Variants in LRRC71 observed in about 807,000 individuals in gnomAD.
LRRC71 encodes the protein leucine rich repeat containing 71.
Under a neutral mutation model 66.6 loss-of-function variants are expected in LRRC71, and 54 were observed. The observed-to-expected ratio is 0.81, with a 90% CI of 0.65 to 1.02. The LOEUF is 1.02. Ranked by LOEUF, LRRC71 falls within the 50% of genes least tolerant of loss-of-function variation. The pLI is 0.00. For missense variants in LRRC71, 724 were observed against 718.0 expected, an observed-to-expected ratio of 1.01 and a Z score of -0.10; for synonymous variants, 323 against 303.9, an observed-to-expected ratio of 1.06 and a Z score of -0.65.
At chr1:156,929,515 G>T in intron 10 of LRRC71, 86 bp downstream of exon 10, 1 of 1,577,978 alleles carries the variant, frequency 6.3e-7, no homozygotes, top group Non-Finnish European at 8.6e-7. Context: ...GAGGGAAGAA[G>T]GCCACATGGG....
At chr1:156,937,627 C>G, downstream of LRRC71, 1 of 980,426 alleles carries the variant, frequency 1.0e-6, no homozygotes, top group Non-Finnish European at 1.5e-6. Flanking sequence ...ACTCAGAGAA[C>G]GTGGGCCTTG....
intron 11 of LRRC71, among the ~76,000 whole-genome samples, chr1:156,930,046 C>T (rs201033238): frequency 5.0e-4 from 63 of 125,262 alleles, no homozygotes; most frequent in East Asian, 1.9e-3. Flanking sequence ...CTTTCTTTCT[C>T]TTTCTTTCTT....
intron 13 of LRRC71, 167 bp from the exon 14 acceptor site, chr1:156,932,257 G>A: frequency 3.0e-6 from 2 of 671,196 alleles, no homozygotes; most frequent in South Asian, 1.8e-5. Context: ...GAGATGGGGA[G>A]TGTGTGAGTA....
chr1:156,937,259 T>C, downstream of LRRC71: 1 of 1,613,898 alleles, frequency 6.2e-7, no homozygotes, highest in Non-Finnish European at 8.5e-7. Flanking sequence ...CTTGAGCCTG[T>C]TGAGCTTGAG....
the LRRC71 span, chr1:156,939,194 T>C: frequency 0.21 from 61,787 of 294,744 alleles, 8,100 homozygotes; most frequent in African/African-American, 0.42. Flanking sequence ...GAGTGGCTCT[T>C]TTCCCTGGGA....
chr1:156,932,104 A>C, intron 13 of LRRC71, 77 bp downstream of exon 13: 1 of 1,163,126 alleles, frequency 8.6e-7, no homozygotes, highest in Non-Finnish European at 1.3e-6. Flanking sequence ...GTTTACCCCG[A>C]CTCTATGGAG....
chr1:156,924,465 G>C lies in LRRC71; in HGVS notation c.352G>C (p.Glu118Gln). ...GGGGTCCTGCAGCCTCAATAGCCTG[G>C]AGAGCAAATACGTGTTCTTCCGGCC... ...LSGSCSLNSL[E>Q]SKYVFFRPTI... The change falls in exon 3 of 15, where the codon GAG becomes CAG. Residue 118 changes from glutamate (E) to glutamine (Q), a missense_variant. Coordinates refer to ENST00000337428, the MANE Select transcript of LRRC71 (RefSeq NM_144702.3). 6.4e-7 allele frequency: 1 copy of C among 1,551,332 alleles called. No individual in the cohort carries two copies. Among genetic ancestry groups the C allele is most frequent in the Non-Finnish European group, 8.7e-7 (1 of 1,147,006 alleles).
At position 156,933,027 on chromosome 1, in the gene LRRC71, G is replaced by GTGT. The variant is rs1654631247; in HGVS notation, c.*59_*61dup. 1 of 1,315,638 alleles carries GTGT rather than the reference G, an allele frequency of 7.6e-7. No homozygotes were observed. The highest frequency in any genetic ancestry group is 2.1e-5 in the Admixed American group (1 of 47,116). The allele number at this position is 1,315,638 out of a possible 1,614,324, so 81.5% of individuals were successfully genotyped here. A position where few individuals can be genotyped will look rare whatever the true frequency, so the allele number is the denominator to read the frequency against. On this transcript the variant is annotated 3_prime_UTR_variant, in exon 15 of 15. Coordinates refer to ENST00000337428, the MANE Select transcript of LRRC71 (RefSeq NM_144702.3). The stretch of plus-strand genomic sequence containing the variant: ...GGCTACAGAAGCACCTCCTGTCCCT[G>GTGT]TGTGGGGTGACCTCCCTGGGGGAGA...
intron 11 of LRRC71, among the ~76,000 whole-genome samples, chr1:156,930,060 T>TTTTCTTTTTCTTTCTTTCTTTTTCTTTC (rs1654091015): frequency 4.0e-5 from 5 of 126,182 alleles, no homozygotes; most frequent in Non-Finnish European, 7.9e-5. Context: ...CTTTCTTTCT[T>TTTTCTTTTTCTTTCTTTCTTTTTCTTTC]TTTCTTTCTT....
At chr1:156,937,883 T>A (rs984836648), downstream of LRRC71, among the ~76,000 whole-genome samples, 11 of 152,166 alleles carry the variant, frequency 7.2e-5, no homozygotes, top group African/African-American at 2.7e-4. Flanking sequence ...ACTCCAGCTC[T>A]GGATGAACTA....
rs535309195 is a variant in LRRC71 at position 156,933,071 on chromosome 1, G to A, written c.*102G>A. 1,058 of 770,210 alleles carry A rather than the reference G, an allele frequency of 1.4e-3. 5 individuals are homozygous for A. The highest frequency in any genetic ancestry group is 3.5e-3 in the South Asian group (194 of 55,894). 47.7% of individuals were successfully genotyped at this position (770,210 alleles called of 1,614,324 possible). A position where few individuals can be genotyped will look rare whatever the true frequency, so the allele number is the denominator to read the frequency against. ...GGGGAGATCTCAGACCAATAACAAA[G>A]TCTGTTGCTATACTTTTCCTTGAGG... On this transcript the variant is annotated 3_prime_UTR_variant, in exon 15 of 15. Transcript: ENST00000337428.
At chr1:156,934,645 G>T (rs1022141148), downstream of LRRC71, among the ~76,000 whole-genome samples, 12 of 151,720 alleles carry the variant, frequency 7.9e-5, no homozygotes, top group Admixed American at 2.0e-4. Flanking sequence ...CTCCATGGGG[G>T]TTGTACAACT....
At chr1:156,937,556 C>A (rs1055150529), downstream of LRRC71, 1 of 1,489,496 alleles carries the variant, frequency 6.7e-7, no homozygotes, top group Non-Finnish European at 9.0e-7. Flanking sequence ...AGCTATCCTC[C>A]CGTTCCTGTG....
downstream of LRRC71, chr1:156,937,208 G>A (rs774110024): frequency 6.2e-6 from 10 of 1,612,102 alleles, no homozygotes; most frequent in Admixed American, 1.7e-4. Context: ...TTGGGGTGAT[G>A]GACTGAAGGC....
chr1:156,935,858 C>A (rs1408574334), downstream of LRRC71: 8 of 950,006 alleles, frequency 8.4e-6, no homozygotes, highest in South Asian at 1.2e-4. Context: ...CGGGTCTCCC[C>A]CCGGGCCTTG....
intron 1 of LRRC71, 109 bp downstream of exon 1, chr1:156,921,072 T>C (rs370924867): frequency 3.2e-6 from 4 of 1,247,480 alleles, no homozygotes; most frequent in East Asian, 3.0e-5. Flanking sequence ...CATACCTACG[T>C]TGAGTTCCTG....
chr1:156,940,109 A>G, the LRRC71 span: 2 of 1,437,452 alleles, frequency 1.4e-6, no homozygotes, highest in Admixed American at 4.7e-5. Context: ...CACACCAGGA[A>G]GAGCCTTCGG....
rs756097566 is a variant in LRRC71 at position 156,924,933 on chromosome 1, G to C, written c.516-5G>C. On this transcript the variant is annotated splice_region_variant and splice_polypyrimidine_tract_variant and intron_variant, in intron 4 of 14. Transcript: ENST00000337428. ...CTGTGTTTCTGCACTTCCCGCCCAC[G>C]ACAGCTTGTGGAAGGTGGGGCTGAC... 6.4e-7 allele frequency: 1 copy of C among 1,551,714 alleles called. No homozygotes were observed. The highest frequency in any genetic ancestry group is 8.7e-7 in the Non-Finnish European group (1 of 1,147,000).
intron 9 of LRRC71, among the ~76,000 whole-genome samples, chr1:156,928,918 G>T (rs542443861): frequency 6.6e-6 from 1 of 152,068 alleles, no homozygotes; most frequent in East Asian, 1.9e-4. Context: ...CTGTAAGTGG[G>T]GATAGTTGTA....
Sources: gnomAD v4.1 joint callset for allele counts (sites outside exome capture counted in the v4.1 genomes callset) on GRCh38, gnomAD v4.1.1 for gene constraint, MANE v1.5 for transcripts, NCBI Gene and HGNC (gene_info 2026-07-23, HGNC 2026-07-21) for gene names.